ANKRD31: variants seen among roughly 807,000 people sequenced by gnomAD.
The protein encoded by ANKRD31 is ankyrin repeat domain-containing protein 31.
Under a neutral mutation model 186.0 loss-of-function variants are expected in ANKRD31, and 147 were observed. The observed-to-expected ratio is 0.79, with a 90% CI of 0.69 to 0.91. ANKRD31 has a LOEUF of 0.91. ANKRD31 is among the 40% of genes least tolerant of loss of function. The pLI is 0.00. For missense variants in ANKRD31, 1,986 were observed against 2,148.8 expected, an observed-to-expected ratio of 0.92 and a Z score of 1.50; for synonymous variants, 673 against 736.4, an observed-to-expected ratio of 0.91 and a Z score of 1.39.
intron 11 of ANKRD31, among the ~76,000 whole-genome samples, chr5:75,159,301 A>C (rs1260804207): frequency 6.6e-6 from 1 of 152,152 alleles, no homozygotes; most frequent in Non-Finnish European, 1.5e-5. Flanking sequence ...GAGAGAGAAA[A>C]AGCAGCAGAG....
chr5:75,158,384 G>A (rs1752338967), intron 11 of ANKRD31, among the ~76,000 whole-genome samples: 1 of 152,136 alleles, frequency 6.6e-6, no homozygotes, highest in Non-Finnish European at 1.5e-5. Context: ...CACACTGTGA[G>A]GGAAATAGAC....
Position 75,128,078 on chromosome 5 carries a change from C to T in ANKRD31, c.3876+9778G>A, listed in dbSNP as rs545402762. 2.0e-5 allele frequency among the ~76,000 whole-genome samples: 3 copies of T among 152,216 alleles called. No homozygotes were observed. The South Asian group carries it at 6.2e-4, about 32-fold the overall frequency. The stretch of plus-strand genomic sequence containing the variant: ...GAAACAAAGAGAGCTTTCCTTTTTA[C>T]TTTCCAAATACATGTGCATCTTTTA... On this transcript the variant is annotated intron_variant, in intron 17 of 25. Coordinates refer to ENST00000506364, the MANE Select transcript of ANKRD31 (RefSeq NM_001372053.1).
At chr5:75,189,430 C>A (rs1191306725) in intron 9 of ANKRD31, among the ~76,000 whole-genome samples, 1 of 152,138 alleles carries the variant, frequency 6.6e-6, no homozygotes, top group African/African-American at 2.4e-5. Context: ...CATCCTAAAA[C>A]CTTACAAAGG....
intron 2 of ANKRD31, among the ~76,000 whole-genome samples, chr5:75,226,753 AAAC>A (rs1453360889): frequency 6.6e-6 from 1 of 152,208 alleles, no homozygotes; most frequent in African/African-American, 2.4e-5. Context: ...GCCTTTATGC[AAAC>A]AACAGGCAAT....
intron 6 of ANKRD31, 147 bp from the exon 7 acceptor site, chr5:75,196,347 A>T: frequency 4.9e-6 from 3 of 610,714 alleles, no homozygotes; most frequent in Non-Finnish European, 7.6e-6. Flanking sequence ...AAATAAAGGG[A>T]ATACTCTTTA....
chr5:75,220,050 T>C (rs1757188372), intron 3 of ANKRD31, among the ~76,000 whole-genome samples: 1 of 152,076 alleles, frequency 6.6e-6, no homozygotes, highest in Non-Finnish European at 1.5e-5. Context: ...AAAGATAACC[T>C]AGGAAATACC....
chr5:75,118,280 T>A lies in ANKRD31; in HGVS notation c.3894A>T (p.Leu1298=). Residue 1298 remains leucine, a synonymous_variant, in exon 18 of 26, where the codon CTA becomes CTT. Transcript: ENST00000506364. ...NNHLKAAEIL[L]QNGANPNQKD... ...TTTGATTAGGGTTTGCTCCATTTTG[T>A]AGTAGAATCTCAGCTGCCTACAAAG... 1 of 1,501,528 alleles carries A rather than the reference T, an allele frequency of 6.7e-7. No homozygotes were observed. Among genetic ancestry groups the A allele is most frequent in the Non-Finnish European group, 8.8e-7 (1 of 1,136,276 alleles). 93.0% of individuals were successfully genotyped at this position (1,501,528 alleles called of 1,614,324 possible). A position where few individuals can be genotyped will look rare whatever the true frequency, so the allele number is the denominator to read the frequency against.
intron 11 of ANKRD31, among the ~76,000 whole-genome samples, chr5:75,158,794 AAG>A (rs1423900471): frequency 6.6e-6 from 1 of 151,956 alleles, no homozygotes; most frequent in African/African-American, 2.4e-5. Flanking sequence ...TCTGTCTCAA[AAG>A]AGAGAGAGAT....
chr5:75,127,694 G>C (rs561575532), intron 17 of ANKRD31, among the ~76,000 whole-genome samples: 1 of 152,148 alleles, frequency 6.6e-6, no homozygotes, highest in Admixed American at 6.5e-5. Flanking sequence ...TATTGTATTT[G>C]TACTGAATCT....
At chr5:75,200,805 G>A (rs1012607323) in intron 5 of ANKRD31, among the ~76,000 whole-genome samples, 12 of 151,446 alleles carry the variant, frequency 7.9e-5, no homozygotes, top group East Asian at 2.0e-4. Flanking sequence ...CCAGCTACTC[G>A]GGAGGCTGAG....
chr5:75,137,999 C>G lies in ANKRD31; in HGVS notation c.3734-1G>C. 7.1e-7 allele frequency: 1 copy of G among 1,408,654 alleles called. No homozygotes were observed. 87.3% of individuals were successfully genotyped at this position (1,408,654 alleles called of 1,614,324 possible). On this transcript the variant is annotated splice_acceptor_variant, in intron 16 of 25. Coordinates refer to ENST00000506364, the MANE Select transcript of ANKRD31 (RefSeq NM_001372053.1). LOFTEE classifies it high-confidence loss of function. Reference sequence around the variant, plus strand: ...GATGCCTCATGAAGTGGTGTCCAACCTAAAAAAAGAAAAAGAAAAAAAAAA... The same window carrying G: ...GATGCCTCATGAAGTGGTGTCCAACGTAAAAAAAGAAAAAGAAAAAAAAAA...
intron 17 of ANKRD31, among the ~76,000 whole-genome samples, chr5:75,134,504 A>T (rs1466050209): frequency 6.6e-6 from 1 of 152,214 alleles, no homozygotes; most frequent in Non-Finnish European, 1.5e-5. Context: ...ACAGGCTCTG[A>T]AATTGAGGCA....
At chr5:75,084,211 T>C in intron 24 of ANKRD31, 61 bp downstream of exon 24, 1 of 1,202,942 alleles carries the variant, frequency 8.3e-7, no homozygotes. Context: ...AATGAGTGCT[T>C]TTCCAGTAGG....
At chr5:75,151,564 C>T (rs753629204) in intron 12 of ANKRD31, among the ~76,000 whole-genome samples, 6 of 152,030 alleles carry the variant, frequency 3.9e-5, no homozygotes, top group South Asian at 2.1e-4. Context: ...TTGTAAGTTT[C>T]CTTAGGCCTC....
rs771853424 is a variant in ANKRD31, at chr5:75,222,270, A to C, written c.267T>G (p.Leu89=). ...QMNKNKMMPV[L]SEDTILQSQD... is the part of the protein sequence containing the mutation. ...ACACCTGTAATATTGTATCCTCGCT[A>C]AGAACAGGCATCATCTTATTTTTAT... The change falls in exon 3 of 26, where the codon CTT becomes CTG. Residue 89 remains leucine, a synonymous_variant. Transcript: ENST00000506364. 3.9e-6 allele frequency: 6 copies of C among 1,535,846 alleles called. No homozygotes were observed. Among genetic ancestry groups the C allele is most frequent in the Non-Finnish European group, 5.2e-6 (6 of 1,145,888 alleles).
chr5:75,134,176 G>A (rs11896681), intron 17 of ANKRD31, among the ~76,000 whole-genome samples: 2 of 151,598 alleles, frequency 1.3e-5, no homozygotes, highest in Non-Finnish European at 2.9e-5. Flanking sequence ...GAGAAGAACT[G>A]AAGGAGATAG....
At chr5:75,085,273 C>A (rs373815652) in intron 23 of ANKRD31, among the ~76,000 whole-genome samples, 1 of 152,152 alleles carries the variant, frequency 6.6e-6, no homozygotes, top group African/African-American at 2.4e-5. Context: ...TCCTTGAGGA[C>A]AGGTCTATAT....
At chr5:75,126,802 C>T (rs921712531) in intron 17 of ANKRD31, among the ~76,000 whole-genome samples, 1 of 152,024 alleles carries the variant, frequency 6.6e-6, no homozygotes, top group Non-Finnish European at 1.5e-5. Context: ...CAAATAGAGA[C>T]AAGTTGTAAT....
At chr5:75,224,468 A>G (rs1757519375) in intron 2 of ANKRD31, among the ~76,000 whole-genome samples, 2 of 152,000 alleles carry the variant, frequency 1.3e-5, no homozygotes, top group African/African-American at 4.8e-5. Flanking sequence ...CAATGAAACA[A>G]AACAATGAGT....
Sources: gnomAD v4.1 joint callset for allele counts (sites outside exome capture counted in the v4.1 genomes callset) on GRCh38, gnomAD v4.1.1 for gene constraint, MANE v1.5 for transcripts, NCBI Gene and HGNC (gene_info 2026-07-23, HGNC 2026-07-21) for gene names.